Variants in NCAM2 observed in about 807,000 individuals in gnomAD.
NCAM2 encodes the protein N-CAM-2.
In NCAM2, 30 loss-of-function variants were observed where a neutral mutation model predicts 98.1. The observed-to-expected ratio is 0.31, with a 90% CI of 0.23 to 0.41. NCAM2 has a LOEUF of 0.41. Among genes scored for constraint, NCAM2 ranks in the 10% least tolerant of loss-of-function variants. The probability of loss-of-function intolerance (pLI) is 1.00; values close to 1 mark genes in which losing one functional copy is unlikely to be tolerated. For synonymous variants in NCAM2, 368 were observed against 342.4 expected, an observed-to-expected ratio of 1.07 and a Z score of -0.83; for missense variants, 867 against 1,005.8, an observed-to-expected ratio of 0.86 and a Z score of 1.87.
chr21:21,426,863 C>T (rs758835331), intron 11 of NCAM2, among the ~76,000 whole-genome samples: 14 of 152,082 alleles, frequency 9.2e-5, no homozygotes, highest in Non-Finnish European at 2.1e-4. Context: ...AAGATTTTAG[C>T]CTGCAATTTC....
intron 8 of NCAM2, among the ~76,000 whole-genome samples, chr21:21,342,496 T>C (rs1024525600): frequency 2.0e-5 from 3 of 152,302 alleles, no homozygotes; most frequent in African/African-American, 7.2e-5. Flanking sequence ...TTGGAACATC[T>C]ATATGAAGCC....
chr21:21,161,098 A>T (rs932911615), intron 1 of NCAM2, among the ~76,000 whole-genome samples: 1 of 152,022 alleles, frequency 6.6e-6, no homozygotes, highest in Non-Finnish European at 1.5e-5. Context: ...TACAAAATGA[A>T]GGAATAAATT....
intron 1 of NCAM2, among the ~76,000 whole-genome samples, chr21:21,022,520 T>C (rs2064458852): frequency 6.6e-6 from 1 of 152,136 alleles, no homozygotes. Flanking sequence ...GTATTACTAT[T>C]CAGGTAAACA....
intron 1 of NCAM2, among the ~76,000 whole-genome samples, chr21:21,123,442 A>G (rs2066719127): frequency 6.6e-6 from 1 of 152,120 alleles, no homozygotes; most frequent in Non-Finnish European, 1.5e-5. Context: ...CAGATTTTTA[A>G]AAACACAGTA....
intron 16 of NCAM2, among the ~76,000 whole-genome samples, chr21:21,516,892 C>T (rs921566888): frequency 8.5e-5 from 13 of 152,160 alleles, no homozygotes; most frequent in Non-Finnish European, 1.6e-4. Flanking sequence ...TCTTTTTTCT[C>T]TGTGTTTCCT....
intron 15 of NCAM2, among the ~76,000 whole-genome samples, chr21:21,486,303 C>CAAAAAAAAAAAA (rs67182493): frequency 1.3e-4 from 7 of 52,264 alleles, no homozygotes; most frequent in African/African-American, 5.9e-4. Context: ...GACTCCGTCT[C>CAAAAAAAAAAAA]AAAAAAAAAA....
chr21:21,055,486 G>A (rs8127262), intron 1 of NCAM2, among the ~76,000 whole-genome samples: 9,106 of 152,116 alleles, frequency 0.06, 284 homozygotes, highest in East Asian at 0.096. Context: ...CTTTTTAGGT[G>A]TAGGGTAATG....
chr21:21,154,997 G>C (rs1327501977), intron 1 of NCAM2, among the ~76,000 whole-genome samples: 1 of 151,514 alleles, frequency 6.6e-6, no homozygotes, highest in Non-Finnish European at 1.5e-5. Context: ...GCATTGTCTT[G>C]GTAAAATCCA....
At chr21:21,434,684 A>T (rs1027844279) in intron 12 of NCAM2, among the ~76,000 whole-genome samples, 3 of 152,170 alleles carry the variant, frequency 2.0e-5, no homozygotes, top group South Asian at 2.1e-4. Context: ...AGAAAAAAAA[A>T]GTTCAATATT....
intron 16 of NCAM2, among the ~76,000 whole-genome samples, chr21:21,515,565 A>C (rs1299599651): frequency 6.6e-6 from 1 of 152,148 alleles, no homozygotes; most frequent in African/African-American, 2.4e-5. Context: ...TATTATCTCT[A>C]ATGTACTTTT....
At chr21:21,467,807 C>A (rs994192309) in intron 13 of NCAM2, among the ~76,000 whole-genome samples, 1 of 151,690 alleles carries the variant, frequency 6.6e-6, no homozygotes. Context: ...CTGAAATGAG[C>A]CATGATCACA....
intron 15 of NCAM2, among the ~76,000 whole-genome samples, chr21:21,502,253 A>G (rs1375540599): frequency 6.6e-6 from 1 of 151,950 alleles, no homozygotes; most frequent in Non-Finnish European, 1.5e-5. Context: ...TGAAACTCTA[A>G]AGAACAGTTA....
intron 5 of NCAM2, among the ~76,000 whole-genome samples, chr21:21,323,488 G>A (rs1400929589): frequency 1.3e-5 from 2 of 151,924 alleles, no homozygotes; most frequent in Non-Finnish European, 2.9e-5. Context: ...TTTAGTATAT[G>A]TAAAAAATAT....
intron 1 of NCAM2, among the ~76,000 whole-genome samples, chr21:21,046,800 TAAAG>T (rs2065014126): frequency 6.6e-6 from 1 of 152,090 alleles, no homozygotes; most frequent in South Asian, 2.1e-4. Context: ...TGAGCAAAAG[TAAAG>T]AAACAAAAAT....
chr21:21,418,372 G>A (rs955747912), intron 10 of NCAM2, 101 bp from the exon 11 acceptor site: 23 of 809,908 alleles, frequency 2.8e-5, no homozygotes, highest in Non-Finnish European at 4.0e-5. Flanking sequence ...GAGTTGTTGG[G>A]TAAAAAATGA....
At chr21:21,224,251 G>T (rs1568794612) in intron 1 of NCAM2, among the ~76,000 whole-genome samples, 1 of 152,110 alleles carries the variant, frequency 6.6e-6, no homozygotes, top group Non-Finnish European at 1.5e-5. Context: ...CTCCAAAAAA[G>T]AAAAGCAATT....
chr21:21,386,400 A>G (rs1569005797), intron 9 of NCAM2, among the ~76,000 whole-genome samples: 1 of 152,208 alleles, frequency 6.6e-6, no homozygotes, highest in Non-Finnish European at 1.5e-5. Context: ...TAAGCCAATG[A>G]AACTTTAAAG....
At chr21:21,020,658 G>A (rs1347720752) in intron 1 of NCAM2, among the ~76,000 whole-genome samples, 2 of 152,174 alleles carry the variant, frequency 1.3e-5, no homozygotes, top group East Asian at 3.9e-4. Context: ...CTTGGCTGGT[G>A]GAGTTCCTCC....
chr21:21,020,019 T>A (rs571451549), intron 1 of NCAM2, among the ~76,000 whole-genome samples: 2 of 152,182 alleles, frequency 1.3e-5, no homozygotes, highest in East Asian at 3.9e-4. Flanking sequence ...TTTCTTTTCT[T>A]TTTTCTTTTC....
Sources: gnomAD v4.1 joint callset for allele counts (sites outside exome capture counted in the v4.1 genomes callset) on GRCh38, gnomAD v4.1.1 for gene constraint, MANE v1.5 for transcripts, NCBI Gene and HGNC (gene_info 2026-07-23, HGNC 2026-07-21) for gene names.